Variants in WDR25 observed in about 807,000 individuals in gnomAD.
WDR25 encodes the protein WD repeat-containing protein 25.
In WDR25, 35 loss-of-function variants were observed where a neutral mutation model predicts 47.7. That is an observed-to-expected ratio of 0.73 (90% CI 0.56 to 0.97). The LOEUF (loss-of-function observed/expected upper bound fraction) is 0.97, where lower values mean the gene tolerates loss of function less well. Ranked by LOEUF, WDR25 falls within the 50% of genes least tolerant of loss-of-function variation. WDR25 has a pLI of 0.00. For synonymous variants in WDR25, 248 were observed against 278.9 expected (o/e 0.89, Z 1.10); for missense variants, 634 against 704.7 (o/e 0.90, Z 1.14).
chr14:100,503,563 A>C (rs1219964690), intron 4 of WDR25: 1 of 152,208 alleles, frequency 6.6e-6, no homozygotes, highest in Non-Finnish European at 1.5e-5. Context: ...AGTGGAGGCC[A>C]GTGGAGACGC....
chr14:100,398,813 T>A (rs1317675996), intron 2 of WDR25, among the ~76,000 whole-genome samples: 1 of 150,620 alleles, frequency 6.6e-6, no homozygotes, highest in African/African-American at 2.4e-5. Flanking sequence ...GAGCTTGTCC[T>A]GGCCACTAAT....
Position 100,468,290 on chromosome 14 carries a change from G to T in WDR25, c.970+122G>T, listed in dbSNP as rs1899713041. ...CGTGGCAGAGGGAGAGGGGCCTCAG[G>T]GTGGGCTCGTGCTCGGTGAGAGGGC... On this transcript the variant is annotated intron_variant, in intron 3 of 6. Coordinates refer to ENST00000402312, the MANE Select transcript of WDR25 (RefSeq NM_001161476.3). This position sits in a 1 kb window ranked among gnomAD's most constrained non-coding sequence, Gnocchi z 4.5. The T allele has an allele frequency of 1.4e-6, 2 of 1,428,238 alleles. No homozygotes were observed. The highest frequency in any genetic ancestry group is 1.9e-6 in the Non-Finnish European group (2 of 1,068,482). The allele number at this position is 1,428,238 out of a possible 1,614,324, so 88.5% of individuals were successfully genotyped here.
chr14:100,422,040 G>A (rs1898041703), intron 2 of WDR25, among the ~76,000 whole-genome samples: 1 of 152,130 alleles, frequency 6.6e-6, no homozygotes, highest in Non-Finnish European at 1.5e-5. Context: ...TTTTATTGCT[G>A]TTTAATAAGC....
chr14:100,525,123 T>C lies in WDR25; in HGVS notation c.1102-747T>C, dbSNP rs143044757. ...CTGCGCGTGGGTGCCCAGCATGTTA[T>C]TTCCATATTGTCATTAAAGTCCTGT... On this transcript the variant is annotated intron_variant, in intron 4 of 6. Coordinates refer to ENST00000402312, the MANE Select transcript of WDR25 (RefSeq NM_001161476.3). The surrounding 1 kb of genome is among the most constrained non-coding windows in gnomAD (Gnocchi z 4.6). Among the ~76,000 whole-genome samples the C allele has an allele frequency of 7.7e-4, 118 of 152,278 alleles. 2 individuals are homozygous for C. The East Asian group carries it at 0.02, about 26-fold the overall frequency.
chr14:100,482,524 T>G (rs939767544), intron 3 of WDR25, among the ~76,000 whole-genome samples: 1 of 152,120 alleles, frequency 6.6e-6, no homozygotes, highest in Non-Finnish European at 1.5e-5. Flanking sequence ...TGCCTTAGGT[T>G]TTTCATGGAT....
chr14:100,379,956 G>T (rs777678116), intron 1 of WDR25, among the ~76,000 whole-genome samples: 1 of 151,644 alleles, frequency 6.6e-6, no homozygotes, highest in Non-Finnish European at 1.5e-5. Context: ...TGGCCAGGCT[G>T]CTCTTGAGCT....
At chr14:100,384,472 C>T (rs752111090) in intron 2 of WDR25, among the ~76,000 whole-genome samples, 8 of 152,174 alleles carry the variant, frequency 5.3e-5, no homozygotes, top group Non-Finnish European at 7.4e-5. Context: ...CGGCTGAGGC[C>T]TCAGGCTTGC....
intron 4 of WDR25, among the ~76,000 whole-genome samples, chr14:100,510,858 C>T (rs951697533): frequency 1.3e-5 from 2 of 151,758 alleles, no homozygotes; most frequent in Admixed American, 6.6e-5. Context: ...TTTCTTTGGC[C>T]TCCCAAAGAG....
At chr14:100,514,056 C>T (rs1355521091) in intron 4 of WDR25, among the ~76,000 whole-genome samples, 2 of 151,948 alleles carry the variant, frequency 1.3e-5, no homozygotes, top group Non-Finnish European at 2.9e-5. Context: ...CTGCCTCAGC[C>T]TCCCAAGTAG....
intron 3 of WDR25, among the ~76,000 whole-genome samples, chr14:100,472,316 C>G (rs1434536225): frequency 3.3e-5 from 5 of 152,270 alleles, no homozygotes; most frequent in Admixed American, 3.3e-4. Flanking sequence ...CTGGGTCTAC[C>G]TCCCAGATCC....
intron 4 of WDR25, among the ~76,000 whole-genome samples, chr14:100,509,640 T>A (rs1468517961): frequency 6.6e-6 from 1 of 152,246 alleles, no homozygotes; most frequent in Admixed American, 6.5e-5. Context: ...AGTTTTCATA[T>A]ATGTATACAT....
At chr14:100,382,449 G>C (rs780809370) in intron 2 of WDR25, among the ~76,000 whole-genome samples, 11 of 152,198 alleles carry the variant, frequency 7.2e-5, no homozygotes, top group Non-Finnish European at 1.5e-4. Context: ...GTGTGGGTGA[G>C]GGACTTGAGG....
chr14:100,409,910 T>C (rs1048935202), intron 2 of WDR25, among the ~76,000 whole-genome samples: 3 of 151,598 alleles, frequency 2.0e-5, no homozygotes, highest in African/African-American at 7.2e-5. Flanking sequence ...AGAATTCTCA[T>C]ACTTAGTTTA....
At chr14:100,503,006 T>C (rs922316144) in intron 4 of WDR25, among the ~76,000 whole-genome samples, 1 of 151,742 alleles carries the variant, frequency 6.6e-6, no homozygotes, top group South Asian at 2.1e-4. Flanking sequence ...CATCCATGCA[T>C]GTGTGTGTCC....
Position 100,425,683 on chromosome 14 carries a change from G to C in WDR25, c.823-42338G>C, listed in dbSNP as rs563821059. ...GTTAATGAGGTCCTGACAAGCTTTC[G>C]TTTTGAAGGAGTTCTCAAAAATGAC... On this transcript the variant is annotated intron_variant, in intron 2 of 6. Coordinates refer to ENST00000402312, the MANE Select transcript of WDR25 (RefSeq NM_001161476.3). This position sits in a 1 kb window ranked among gnomAD's most constrained non-coding sequence, Gnocchi z 4.8. 6.6e-6 allele frequency among the ~76,000 whole-genome samples: 1 copy of C among 152,292 alleles called. No individual in the cohort carries two copies. Among genetic ancestry groups the C allele is most frequent in the East Asian group, 1.9e-4 (1 of 5,184 alleles).
At chr14:100,471,470 C>T (rs959705203) in intron 3 of WDR25, among the ~76,000 whole-genome samples, 9 of 152,234 alleles carry the variant, frequency 5.9e-5, no homozygotes, top group African/African-American at 2.2e-4. Context: ...GCTCTGCAGG[C>T]CCTGTGGCTT....
intron 2 of WDR25, among the ~76,000 whole-genome samples, chr14:100,433,944 G>C (rs530411900): frequency 1.3e-5 from 2 of 152,150 alleles, no homozygotes; most frequent in East Asian, 3.9e-4. Flanking sequence ...CCAAGATTTT[G>C]GCCAGGCATA....
Position 100,376,651 on chromosome 14 carries a change from T to A in WDR25, c.-16+156T>A. ...CGCTGTGCCTTGGACCAACCTTACT[T>A]CTTACTATTGACAGCTCAGCTAACT... On this transcript the variant is annotated intron_variant, in intron 1 of 6. Coordinates refer to ENST00000402312, the MANE Select transcript of WDR25 (RefSeq NM_001161476.3). 3.2e-6 allele frequency: 4 copies of A among 1,231,806 alleles called. No individual in the cohort carries two copies. The African/African-American group carries it at 6.2e-5, about 19-fold the overall frequency. 76.3% of individuals were successfully genotyped at this position (1,231,806 alleles called of 1,614,324 possible).
chr14:100,478,806 C>T (rs891270760), intron 3 of WDR25, among the ~76,000 whole-genome samples: 29 of 152,026 alleles, frequency 1.9e-4, no homozygotes, highest in African/African-American at 7.0e-4. Flanking sequence ...ATCTTTCTTC[C>T]CCATTGTTGG....
Sources: gnomAD v4.1 joint callset for allele counts (sites outside exome capture counted in the v4.1 genomes callset) on GRCh38, gnomAD v4.1.1 for gene constraint, Gnocchi (gnomAD v3.1) non-coding constraint, MANE v1.5 for transcripts, NCBI Gene and HGNC (gene_info 2026-07-23, HGNC 2026-07-21) for gene names.